CAV3: variants seen among roughly 807,000 people sequenced by gnomAD.
CAV3 encodes the protein caveolin 3.
Under a neutral mutation model 13.4 loss-of-function variants are expected in CAV3, and 10 were observed. That is an observed-to-expected ratio of 0.75 (90% CI 0.46 to 1.27). The LOEUF is 1.27. Among genes scored for constraint, CAV3 ranks in the 50% most tolerant of loss-of-function variants. The probability of loss-of-function intolerance (pLI) is 0.00; values close to 1 mark genes in which losing one functional copy is unlikely to be tolerated. For synonymous variants in CAV3, 90 were observed against 79.0 expected (o/e 1.14, Z -0.74); for missense variants, 162 against 194.0 (o/e 0.83, Z 0.98).
In CAV3 at chr3:8,746,171, C is replaced by A. The variant is rs925187280; in HGVS notation, c.*304C>A. The stretch of plus-strand genomic sequence containing the variant: ...TCACTTGTACTGTAACAACATAAAC[C>A]AGCACGCGGTTCCCACCCGGGGCCA... On this transcript the variant is annotated 3_prime_UTR_variant, in exon 2 of 2. Transcript: ENST00000343849. The A allele has an allele frequency of 6.5e-6, 2 of 306,364 alleles. No individual in the cohort carries two copies. Among genetic ancestry groups the A allele is most frequent in the East Asian group, 6.0e-5 (1 of 16,654 alleles). 19.0% of individuals were successfully genotyped at this position (306,364 alleles called of 1,614,324 possible). A position where few individuals can be genotyped will look rare whatever the true frequency, so the allele number is the denominator to read the frequency against.
chr3:8,734,073 G>C, intron 1 of CAV3, 83 bp downstream of exon 1: 1 of 771,546 alleles, frequency 1.3e-6, no homozygotes, highest in Non-Finnish European at 2.3e-6. Flanking sequence ...GGTATCTGCT[G>C]CAGACACAGT....
chr3:8,741,760 ACC>A (rs1427818182), intron 1 of CAV3, among the ~76,000 whole-genome samples: 1 of 151,734 alleles, frequency 6.6e-6, no homozygotes, highest in Non-Finnish European at 1.5e-5. Flanking sequence ...GGTATTTTCG[ACC>A]CCGGGTGACT....
chr3:8,734,510 C>A (rs1707682563), intron 1 of CAV3, among the ~76,000 whole-genome samples: 1 of 152,164 alleles, frequency 6.6e-6, no homozygotes, highest in African/African-American at 2.4e-5. Context: ...CCCAGCCCTC[C>A]CCTAGCTACC....
At chr3:8,734,085 T>C in intron 1 of CAV3, 95 bp downstream of exon 1, 1 of 741,834 alleles carries the variant, frequency 1.3e-6, no homozygotes, top group Middle Eastern at 2.3e-4. Flanking sequence ...AGACACAGTT[T>C]CCCTGAAAAG....
intron 1 of CAV3, among the ~76,000 whole-genome samples, chr3:8,743,855 G>C (rs1432097130): frequency 6.6e-6 from 1 of 152,222 alleles, no homozygotes; most frequent in Non-Finnish European, 1.5e-5. Flanking sequence ...TTTAGTAATA[G>C]AGAAGTACAA....
intron 1 of CAV3, among the ~76,000 whole-genome samples, chr3:8,736,423 C>T (rs1049562089): frequency 6.6e-6 from 1 of 152,206 alleles, no homozygotes; most frequent in Admixed American, 6.5e-5. Context: ...AAAGAAGGGT[C>T]TCAAAGAGCT....
rs191533539 is a variant in CAV3, at chr3:8,734,076, G to C, written c.114+86G>C. On this transcript the variant is annotated intron_variant, in intron 1 of 1. Coordinates refer to ENST00000343849, the MANE Select transcript of CAV3 (RefSeq NM_033337.3). Reference sequence around the variant, plus strand: ...TTGGCAGGGGAGGGTATCTGCTGCAGACACAGTTTCCCTGAAAAGAGACTT... The same window carrying C: ...TTGGCAGGGGAGGGTATCTGCTGCACACACAGTTTCCCTGAAAAGAGACTT... 1.3e-5 allele frequency: 10 copies of C among 763,272 alleles called. No homozygotes were observed. In the Admixed American group the frequency reaches 2.0e-4, roughly 15 times the overall value. 47.3% of individuals were successfully genotyped at this position (763,272 alleles called of 1,614,324 possible). A position where few individuals can be genotyped will look rare whatever the true frequency, so the allele number is the denominator to read the frequency against.
chr3:8,739,003 G>T (rs1456958425), intron 1 of CAV3, among the ~76,000 whole-genome samples: 1 of 152,254 alleles, frequency 6.6e-6, no homozygotes, highest in Non-Finnish European at 1.5e-5. Flanking sequence ...AGGGCAGGTT[G>T]AAACTAAATA....
intron 1 of CAV3, among the ~76,000 whole-genome samples, chr3:8,739,854 G>A (rs995989022): frequency 1.5e-4 from 23 of 152,318 alleles, no homozygotes; most frequent in African/African-American, 5.5e-4. Flanking sequence ...CAGCTTGGCA[G>A]TCCTGCTGGT....
intron 1 of CAV3, among the ~76,000 whole-genome samples, chr3:8,739,673 C>A (rs1031936744): frequency 6.6e-6 from 1 of 151,876 alleles, no homozygotes; most frequent in African/African-American, 2.4e-5. Context: ...TGTCAGCAAC[C>A]AAGTCCCATT....
At chr3:8,742,884 T>A (rs1177836911) in intron 1 of CAV3, among the ~76,000 whole-genome samples, 3 of 152,112 alleles carry the variant, frequency 2.0e-5, no homozygotes, top group African/African-American at 7.2e-5. Context: ...TGAGACTGGG[T>A]AATTTATAAA....
At chr3:8,742,021 C>A (rs1707978941) in intron 1 of CAV3, among the ~76,000 whole-genome samples, 1 of 152,228 alleles carries the variant, frequency 6.6e-6, no homozygotes, top group Admixed American at 6.5e-5. Context: ...CAGATGCAGG[C>A]TTTCAGCCCA....
In CAV3 at chr3:8,745,574, G is replaced by T. The variant is rs774007619; in HGVS notation, c.163G>T (p.Asp55Tyr). The T allele has an allele frequency of 6.2e-7, 1 of 1,614,172 alleles. No individual in the cohort carries two copies. ...IAEPVGTYSFDGVWKVSYTTF... is the reference protein window; with the variant it reads ...IAEPVGTYSFYGVWKVSYTTF... ...AGAGCCTGTGGGCACCTACAGCTTTGACGGCGTGTGGAAGGTGAGCTACAC... is the reference window on the plus strand; with the variant it reads ...AGAGCCTGTGGGCACCTACAGCTTTTACGGCGTGTGGAAGGTGAGCTACAC... Residue 55 changes from aspartate to tyrosine, a missense_variant, in exon 2 of 2, where the codon GAC becomes TAC. Physicochemically the swap from Asp to Tyr is radical, Grantham distance 160. Transcript: ENST00000343849. This position sits in a 1 kb window ranked among gnomAD's most constrained non-coding sequence, Gnocchi z 4.8.
At chr3:8,744,425 C>G (rs1708078768) in intron 1 of CAV3, among the ~76,000 whole-genome samples, 1 of 151,162 alleles carries the variant, frequency 6.6e-6, no homozygotes, top group African/African-American at 2.4e-5. Flanking sequence ...ACTACAGACA[C>G]CCGCTGCCAT....
intron 1 of CAV3, among the ~76,000 whole-genome samples, chr3:8,742,270 C>T (rs548011188): frequency 1.3e-5 from 2 of 148,372 alleles, no homozygotes; most frequent in South Asian, 4.2e-4. Context: ...CTGAGATTCA[C>T]AGAAAATAGA....
At chr3:8,738,240 C>T (rs373246044) in intron 1 of CAV3, among the ~76,000 whole-genome samples, 9 of 152,302 alleles carry the variant, frequency 5.9e-5, no homozygotes, top group Admixed American at 2.0e-4. Flanking sequence ...AGGATCCCAG[C>T]CTCTCCATGA....
rs1708154614 is a variant in CAV3 at position 8,746,135 on chromosome 3, A to G, written c.*268A>G. 3 of 459,442 alleles carry G rather than the reference A, an allele frequency of 6.5e-6. No homozygotes were observed. Among genetic ancestry groups the G allele is most frequent in the Non-Finnish European group, 1.2e-5 (3 of 252,674 alleles). 28.5% of individuals were successfully genotyped at this position (459,442 alleles called of 1,614,324 possible). Reference sequence around the variant, plus strand: ...CATTTGCCAAGAGGCAGCTACTGCAAGTCTTTGCGTTCACTTGTACTGTAA... The same window carrying G: ...CATTTGCCAAGAGGCAGCTACTGCAGGTCTTTGCGTTCACTTGTACTGTAA... On this transcript the variant is annotated 3_prime_UTR_variant, in exon 2 of 2. Transcript: ENST00000343849.
At chr3:8,740,028 G>A (rs1394480089) in intron 1 of CAV3, among the ~76,000 whole-genome samples, 4 of 152,130 alleles carry the variant, frequency 2.6e-5, no homozygotes, top group Admixed American at 2.0e-4. Flanking sequence ...GGGGTGGCTG[G>A]CCCTCTATCT....
chr3:8,733,999 T>G lies in CAV3; in HGVS notation c.114+9T>G. The stretch of plus-strand genomic sequence containing the variant: ...ACGAGGACATAGTCAAGGTAGGCTC[T>G]GCAGGCCTGCCTCGGCGGGCGGAGA... On this transcript the variant is annotated intron_variant, in intron 1 of 1. Transcript: ENST00000343849. 4.0e-6 allele frequency: 6 copies of G among 1,517,782 alleles called. No homozygotes were observed. The highest frequency in any genetic ancestry group is 5.5e-6 in the Non-Finnish European group (6 of 1,092,638). The allele number at this position is 1,517,782 out of a possible 1,614,324, so 94.0% of individuals were successfully genotyped here. A position where few individuals can be genotyped will look rare whatever the true frequency, so the allele number is the denominator to read the frequency against.
Sources: allele counts gnomAD v4.1 joint callset (sites outside exome capture counted in the v4.1 genomes callset), GRCh38; gene constraint gnomAD v4.1.1; non-coding constraint Gnocchi (gnomAD v3.1); transcripts MANE v1.5; gene names NCBI Gene and HGNC (gene_info 2026-07-23, HGNC 2026-07-21).